Variants in CSMD1 observed in about 807,000 individuals in gnomAD.
The protein encoded by CSMD1 is CUB and Sushi multiple domains 1.
In CSMD1, 213 loss-of-function variants were observed where a neutral mutation model predicts 417.5. That is an observed-to-expected ratio of 0.51 (90% CI 0.46 to 0.57). The LOEUF (loss-of-function observed/expected upper bound fraction) is 0.57, where lower values mean the gene tolerates loss of function less well. Ranked by LOEUF, CSMD1 falls within the 20% of genes least tolerant of loss-of-function variation. The probability of loss-of-function intolerance (pLI) is 0.00; values close to 1 mark genes in which losing one functional copy is unlikely to be tolerated. For missense variants in CSMD1, 6,923 were observed against 4,529.7 expected, an observed-to-expected ratio of 1.53 and a Z score of -15.17; for synonymous variants, 2,862 against 1,736.8, an observed-to-expected ratio of 1.65 and a Z score of -16.11.
intron 1 of CSMD1, among the ~76,000 whole-genome samples, chr8:4,697,548 C>T (rs974515346): frequency 2.0e-5 from 3 of 151,924 alleles, no homozygotes; most frequent in Non-Finnish European, 2.9e-5. Context: ...TGGGGAATGT[C>T]GACGATAGCA....
In CSMD1 at chr8:4,913,738, C is replaced by T. The variant is rs569268696; in HGVS notation, c.85+80594G>A. On this transcript the variant is annotated intron_variant, in intron 1 of 69. Transcript: ENST00000635120. The stretch of plus-strand genomic sequence containing the variant: ...GAAGAACCATTGACAAATCTGCAAG[C>T]GAGGGAGTTGTCCATGTGTTACCAG... 7.2e-5 allele frequency among the ~76,000 whole-genome samples: 11 copies of T among 152,258 alleles called. No homozygotes were observed. In the South Asian group the frequency reaches 1.7e-3, roughly 23 times the overall value.
intron 5 of CSMD1, among the ~76,000 whole-genome samples, chr8:3,770,931 A>G (rs1213527958): frequency 2.6e-5 from 4 of 152,146 alleles, no homozygotes; most frequent in Non-Finnish European, 5.9e-5. Flanking sequence ...AGCTTGGTGA[A>G]TCTCCGAATT....
At chr8:4,930,100 G>C (rs187733935) in intron 1 of CSMD1, among the ~76,000 whole-genome samples, 1 of 152,266 alleles carries the variant, frequency 6.6e-6, no homozygotes, top group African/African-American at 2.4e-5. Context: ...CCCTAGCTCT[G>C]TCACTGTTTT....
At chr8:3,272,760 G>A (rs973856515) in intron 26 of CSMD1, among the ~76,000 whole-genome samples, 2 of 148,890 alleles carry the variant, frequency 1.3e-5, no homozygotes, top group Admixed American at 6.8e-5. Flanking sequence ...AAGAATGCTT[G>A]TGATTTTTGT....
intron 3 of CSMD1, among the ~76,000 whole-genome samples, chr8:4,290,067 C>A (rs1315832668): frequency 1.3e-5 from 2 of 152,156 alleles, no homozygotes; most frequent in Admixed American, 1.3e-4. Context: ...GCAAATTCAG[C>A]ACGGTCTTTT....
chr8:3,292,008 G>A (rs1213540240), intron 25 of CSMD1, among the ~76,000 whole-genome samples: 1 of 152,010 alleles, frequency 6.6e-6, no homozygotes, highest in South Asian at 2.1e-4. Context: ...ATGTGTCCCA[G>A]AGATTCTGGT....
Position 3,916,763 on chromosome 8 carries a change from G to C in CSMD1, c.818+81140C>G, listed in dbSNP as rs747147797. Among the ~76,000 whole-genome samples the C allele has an allele frequency of 5.9e-5, 9 of 152,168 alleles. No individual in the cohort carries two copies. The Middle Eastern group carries it at 0.01, about 174-fold the overall frequency. On this transcript the variant is annotated intron_variant, in intron 5 of 69. Transcript: ENST00000635120. The stretch of plus-strand genomic sequence containing the variant: ...AGAATGTGTCACAAAACTAGAGAGA[G>C]AAAAAATAATTGAGTGGCTCAATTT...
At chr8:3,326,469 TACAAAGAC>T (rs1299022982) in intron 23 of CSMD1, among the ~76,000 whole-genome samples, 1 of 152,228 alleles carries the variant, frequency 6.6e-6, no homozygotes, top group Non-Finnish European at 1.5e-5. Flanking sequence ...ACTACCGTGC[TACAAAGAC>T]ACATCCCAAA....
At chr8:4,310,352 G>C (rs1293293785) in intron 3 of CSMD1, among the ~76,000 whole-genome samples, 4 of 152,056 alleles carry the variant, frequency 2.6e-5, no homozygotes, top group East Asian at 3.9e-4. Context: ...TGGGTATCTT[G>C]GTCAAAGGGT....
intron 3 of CSMD1, among the ~76,000 whole-genome samples, chr8:4,380,776 A>C (rs1310780633): frequency 1.3e-5 from 2 of 149,620 alleles, no homozygotes; most frequent in African/African-American, 4.8e-5. Context: ...GCTGAAACAA[A>C]AAGTATATTT....
At position 3,707,981 on chromosome 8, in the gene CSMD1, C is replaced by A. The variant is rs560066692; in HGVS notation, c.1009+433G>T. ...TCTCTTTGGAAGGACGTAGACATTG[C>A]CCGAAAGCTACTTTACTCTCCAGGC... On this transcript the variant is annotated intron_variant, in intron 7 of 69. Transcript: ENST00000635120. Among the ~76,000 whole-genome samples, 6 of 152,284 alleles carry A rather than the reference C, an allele frequency of 3.9e-5. 1 individual carries two copies. In the South Asian group the frequency reaches 1.2e-3, roughly 32 times the overall value.
At chr8:3,336,026 C>A (rs948283693) in intron 23 of CSMD1, among the ~76,000 whole-genome samples, 1 of 152,104 alleles carries the variant, frequency 6.6e-6, no homozygotes, top group Admixed American at 6.6e-5. Flanking sequence ...AACATTTCTC[C>A]CATAGGACTG....
intron 12 of CSMD1, among the ~76,000 whole-genome samples, chr8:3,411,831 T>TATGCACGTATACATGCACGTATAC (rs1812749565): frequency 1.4e-5 from 1 of 73,826 alleles, no homozygotes; most frequent in African/African-American, 4.8e-5. Context: ...TATATGTATA[T>TATGCACGTATACATGCACGTATAC]ATGCACGTAT....
At chr8:4,647,842 G>C (rs1803636357) in intron 1 of CSMD1, among the ~76,000 whole-genome samples, 1 of 152,168 alleles carries the variant, frequency 6.6e-6, no homozygotes, top group Admixed American at 6.5e-5. Flanking sequence ...TTGGTTCCAA[G>C]TCTTTGCTAT....
chr8:3,577,185 C>G (rs1191386899), intron 9 of CSMD1, among the ~76,000 whole-genome samples: 4 of 152,096 alleles, frequency 2.6e-5, no homozygotes, highest in African/African-American at 4.8e-5. Context: ...TGAAGCTGGC[C>G]CCTCACTTGG....
chr8:3,115,808 G>A (rs1297857845), intron 42 of CSMD1, among the ~76,000 whole-genome samples: 1 of 152,100 alleles, frequency 6.6e-6, no homozygotes, highest in African/African-American at 2.4e-5. Flanking sequence ...TATCTAAACT[G>A]GCCAATTTTT....
intron 1 of CSMD1, among the ~76,000 whole-genome samples, chr8:4,766,603 G>A (rs554770881): frequency 6.6e-6 from 1 of 152,304 alleles, no homozygotes; most frequent in Non-Finnish European, 1.5e-5. Flanking sequence ...TTTATTGCGT[G>A]TTTACTGAAT....
intron 23 of CSMD1, among the ~76,000 whole-genome samples, chr8:3,309,541 C>T (rs1805165770): frequency 7.1e-6 from 1 of 141,696 alleles, no homozygotes; most frequent in Non-Finnish European, 1.6e-5. Flanking sequence ...TTATGTGAGG[C>T]AATATTTTAA....
At position 3,106,612 on chromosome 8, in the gene CSMD1, C is replaced by T. The variant is rs1450938941; in HGVS notation, c.6865G>A (p.Gly2289Arg). 1.9e-6 allele frequency: 3 copies of T among 1,613,276 alleles called. No individual in the cohort carries two copies. Among genetic ancestry groups the T allele is most frequent in the Non-Finnish European group, 2.5e-6 (3 of 1,179,640 alleles). Reference sequence around the variant, plus strand: ...ATGTCGGTCCCCACCAAGGTGTACCCGGGGTGGCACTGGTACTTCACAAAA... The same window carrying T: ...ATGTCGGTCCCCACCAAGGTGTACCTGGGGTGGCACTGGTACTTCACAAAA... ...GDFVKYQCHP[G>R]YTLVGTDILT... Residue 2289 changes from glycine to arginine, a missense_variant, in exon 46 of 70, where the codon GGG (glycine) becomes AGG (arginine). Coordinates refer to ENST00000635120, the MANE Select transcript of CSMD1 (RefSeq NM_033225.6).
Sources: allele counts gnomAD v4.1 joint callset (sites outside exome capture counted in the v4.1 genomes callset), GRCh38; gene constraint gnomAD v4.1.1; transcripts MANE v1.5; gene names NCBI Gene and HGNC (gene_info 2026-07-23, HGNC 2026-07-21).